MCRS1: variants seen among roughly 807,000 people sequenced by gnomAD.
MCRS1 encodes the protein microspherule protein 1, also known as 58 kDa microspherule protein.
MCRS1 carries 22 observed loss-of-function variants against 62.9 expected under a neutral mutation model. That is an observed-to-expected ratio of 0.35 (90% CI 0.25 to 0.50). MCRS1 has a LOEUF of 0.50. MCRS1 is among the 20% of genes least tolerant of loss of function. The probability of loss-of-function intolerance (pLI) is 0.98; values close to 1 mark genes in which losing one functional copy is unlikely to be tolerated. For synonymous variants in MCRS1, 244 were observed against 233.5 expected (o/e 1.04, Z -0.41); for missense variants, 456 against 601.1 (o/e 0.76, Z 2.52).
intron 9 of MCRS1, 63 bp downstream of exon 9, chr12:49,560,232 G>A (rs1236051030): frequency 1.3e-6 from 2 of 1,557,528 alleles, no homozygotes; most frequent in East Asian, 2.2e-5. Context: ...GCAGCCTGGG[G>A]CGCTCTACCT....
chr12:49,559,842 A>C lies in MCRS1; in HGVS notation c.911-21T>G, dbSNP rs770684781. 6.2e-7 allele frequency: 1 copy of C among 1,614,116 alleles called. No individual in the cohort carries two copies. The highest frequency in any genetic ancestry group is 1.1e-5 in the South Asian group (1 of 91,082). Reference sequence around the variant, plus strand: ...CAGCTCTGGGGTGAGGTGGGGTGGTAAGGAGGGATGCTCTGAGGCCACCAG... The same window carrying C: ...CAGCTCTGGGGTGAGGTGGGGTGGTCAGGAGGGATGCTCTGAGGCCACCAG... On this transcript the variant is annotated intron_variant, in intron 10 of 14. Coordinates refer to ENST00000343810, the MANE Select transcript of MCRS1 (RefSeq NM_006337.5). The surrounding 1 kb of genome is among the most constrained non-coding windows in gnomAD (Gnocchi z 5.2).
At position 49,566,394 on chromosome 12, in the gene MCRS1, G is replaced by T. The variant is rs776597033; in HGVS notation, c.11-179C>A. 4 of 1,575,868 alleles carry T rather than the reference G, an allele frequency of 2.5e-6. No individual in the cohort carries two copies. The South Asian group carries it at 3.5e-5, about 14-fold the overall frequency. ...CAGATCCCATCTGGGCTCAGACCTG[G>T]CCCAGACCTTCCACGCTGGGCAGTT... On this transcript the variant is annotated intron_variant, in intron 2 of 14. Transcript: ENST00000343810.
rs780177130 is a variant in MCRS1, at chr12:49,566,044, T to G, written c.149+33A>C. ...CTTAACGCCACAGACCTTCTACCCT[T>G]TCCCAGTTCCTGGCCCTCCGAACCC... On this transcript the variant is annotated intron_variant, in intron 3 of 14. Coordinates refer to ENST00000343810, the MANE Select transcript of MCRS1 (RefSeq NM_006337.5). 17 of 1,602,404 alleles carry G rather than the reference T, an allele frequency of 1.1e-5. No homozygotes were observed. In the East Asian group the frequency reaches 3.3e-4, roughly 32 times the overall value.
Position 49,559,098 on chromosome 12 carries a change from C to A in MCRS1, c.1174+116G>T. 6.5e-7 allele frequency: 1 copy of A among 1,533,128 alleles called. No individual in the cohort carries two copies. The highest frequency in any genetic ancestry group is 9.0e-7 in the Non-Finnish European group (1 of 1,116,396). 95.0% of individuals were successfully genotyped at this position (1,533,128 alleles called of 1,614,324 possible). On this transcript the variant is annotated intron_variant, in intron 13 of 14. Coordinates refer to ENST00000343810, the MANE Select transcript of MCRS1 (RefSeq NM_006337.5). This position sits in a 1 kb window ranked among gnomAD's most constrained non-coding sequence, Gnocchi z 5.2. The stretch of plus-strand genomic sequence containing the variant: ...CCTGCAGACACCAAGGAATCCCTGC[C>A]TCAGGTGGTCCACGAGGGTCCCCAT...
chr12:49,563,270 G>A, intron 7 of MCRS1, 131 bp from the exon 8 acceptor site: 1 of 1,441,350 alleles, frequency 6.9e-7, no homozygotes, highest in Non-Finnish European at 9.5e-7. Context: ...AAGAAGTCAG[G>A]CTTGGCTCTT....
Position 49,559,187 on chromosome 12 carries a change from C to T in MCRS1, c.1174+27G>A. Reference sequence around the variant, plus strand: ...TGGGAGGGACGACCTCACACTGCTTCCTGCTGGGGCAGGGGGTGGGGGATA... The same window carrying T: ...TGGGAGGGACGACCTCACACTGCTTTCTGCTGGGGCAGGGGGTGGGGGATA... On this transcript the variant is annotated intron_variant, in intron 13 of 14. Transcript: ENST00000343810. This position sits in a 1 kb window ranked among gnomAD's most constrained non-coding sequence, Gnocchi z 5.2. 1 of 1,608,930 alleles carries T rather than the reference C, an allele frequency of 6.2e-7. No individual in the cohort carries two copies. The highest frequency in any genetic ancestry group is 8.5e-7 in the Non-Finnish European group (1 of 1,176,118).
Position 49,564,905 on chromosome 12 carries a change from G to A in MCRS1, c.289-10C>T. 3.2e-6 allele frequency: 5 copies of A among 1,568,842 alleles called. No individual in the cohort carries two copies. Among genetic ancestry groups the A allele is most frequent in the Non-Finnish European group, 4.3e-6 (5 of 1,155,800 alleles). On this transcript the variant is annotated splice_polypyrimidine_tract_variant and intron_variant, in intron 4 of 14. Coordinates refer to ENST00000343810, the MANE Select transcript of MCRS1 (RefSeq NM_006337.5). ...TGGGGGCTTTGGATACCTGGGCAGAGGACAGGAACAAACCAAGCTCAAAGC... is the reference window on the plus strand; with the variant it reads ...TGGGGGCTTTGGATACCTGGGCAGAAGACAGGAACAAACCAAGCTCAAAGC...
Position 49,563,302 on chromosome 12 carries a change from G to A in MCRS1, c.666+136C>T, listed in dbSNP as rs1938872973. 3.4e-5 allele frequency: 47 copies of A among 1,364,546 alleles called. No individual in the cohort carries two copies. In the South Asian group the frequency reaches 5.3e-4, roughly 15 times the overall value. 84.5% of individuals were successfully genotyped at this position (1,364,546 alleles called of 1,614,324 possible). ...TCTTCCTGAGGCCCCTGTCACAAACGCCCCTGCCAATGTGCACACGTGTGC... is the reference window on the plus strand; with the variant it reads ...TCTTCCTGAGGCCCCTGTCACAAACACCCCTGCCAATGTGCACACGTGTGC... On this transcript the variant is annotated intron_variant, in intron 7 of 14. Coordinates refer to ENST00000343810, the MANE Select transcript of MCRS1 (RefSeq NM_006337.5).
Position 49,559,744 on chromosome 12 carries a change from C to G in MCRS1, c.988G>C (p.Val330Leu). 1 of 1,614,190 alleles carries G rather than the reference C, an allele frequency of 6.2e-7. No homozygotes were observed. The highest frequency in any genetic ancestry group is 8.5e-7 in the Non-Finnish European group (1 of 1,180,038). The change falls in exon 11 of 15, where the codon GTG becomes CTG. Residue 330 changes from valine (V) to leucine (L), a missense_variant. Transcript: ENST00000343810. This position sits in a 1 kb window ranked among gnomAD's most constrained non-coding sequence, Gnocchi z 5.2. ...EQELHKWQVL[V>L]DSITGMSSPD... ...GCCTCCTCACCTGTGATGCTGTCCA[C>G]TAGCACCTGCCACTTATGCAGTTCC...
Position 49,559,261 on chromosome 12 carries a change from A to G in MCRS1, c.1127T>C (p.Val376Ala). 1 of 1,614,164 alleles carries G rather than the reference A, an allele frequency of 6.2e-7. No individual in the cohort carries two copies. Among genetic ancestry groups the G allele is most frequent in the Non-Finnish European group, 8.5e-7 (1 of 1,180,022 alleles). ...GRATKDNQID[V>A]DLSLEGPAWK... ...GGCCGGACCCTCCAGAGACAGGTCC[A>G]CATCAATCTGGTTATCCTTGGTTGC... The change falls in exon 13 of 15, where the codon GTG becomes GCG. Residue 376 changes from valine (V) to alanine (A), a missense_variant. Val to Ala is a moderately conservative substitution (Grantham distance 64, BLOSUM62 0). Transcript: ENST00000343810. This position sits in a 1 kb window ranked among gnomAD's most constrained non-coding sequence, Gnocchi z 5.2.
intron 2 of MCRS1, 36 bp downstream of exon 2, chr12:49,566,686 C>G: frequency 5.0e-6 from 8 of 1,613,742 alleles, no homozygotes; most frequent in Non-Finnish European, 6.8e-6. Flanking sequence ...TGCTTGGCGC[C>G]CGAGCATTTG....
rs1344385349 is a variant in MCRS1, at chr12:49,559,138, G to A, written c.1174+76C>T. 1.0e-5 allele frequency: 16 copies of A among 1,553,354 alleles called. No individual in the cohort carries two copies. Among genetic ancestry groups the A allele is most frequent in the Non-Finnish European group, 1.2e-5 (14 of 1,132,408 alleles). ...AGGGTCCCCATGGACACCAAGCCCA[G>A]GGCTAGAAAGGACAGCGAGAGGCTG... On this transcript the variant is annotated intron_variant, in intron 13 of 14. Coordinates refer to ENST00000343810, the MANE Select transcript of MCRS1 (RefSeq NM_006337.5). The surrounding 1 kb of genome is among the most constrained non-coding windows in gnomAD (Gnocchi z 5.2).
chr12:49,562,144 T>TG (rs1938801216), intron 8 of MCRS1, among the ~76,000 whole-genome samples: 1 of 152,216 alleles, frequency 6.6e-6, no homozygotes, highest in African/African-American at 2.4e-5. Flanking sequence ...AAAATGCTCC[T>TG]GCAGGAATCC....
rs1332685338 is a variant in MCRS1, at chr12:49,559,194, G to A, written c.1174+20C>T. The A allele has an allele frequency of 6.2e-7, 1 of 1,609,630 alleles. No homozygotes were observed. The highest frequency in any genetic ancestry group is 1.3e-5 in the African/African-American group (1 of 74,968). On this transcript the variant is annotated intron_variant, in intron 13 of 14. Transcript: ENST00000343810. This position sits in a 1 kb window ranked among gnomAD's most constrained non-coding sequence, Gnocchi z 5.2. Reference sequence around the variant, plus strand: ...GACGACCTCACACTGCTTCCTGCTGGGGCAGGGGGTGGGGGATACCTTGTT... The same window carrying A: ...GACGACCTCACACTGCTTCCTGCTGAGGCAGGGGGTGGGGGATACCTTGTT...
chr12:49,562,898 GA>G, intron 8 of MCRS1, 102 bp downstream of exon 8: 2 of 1,395,828 alleles, frequency 1.4e-6, no homozygotes, highest in Non-Finnish European at 1.9e-6. Context: ...GATCACTGAG[GA>G]ATCTGTTACA....
At chr12:49,564,681 G>A in intron 5 of MCRS1, 56 bp downstream of exon 5, 1 of 1,602,802 alleles carries the variant, frequency 6.2e-7, no homozygotes, top group Non-Finnish European at 8.5e-7. Context: ...TAATTTTGGG[G>A]TGCGAACTGG....
intron 9 of MCRS1, 59 bp from the exon 10 acceptor site, chr12:49,560,026 C>T: frequency 6.2e-7 from 1 of 1,606,670 alleles, no homozygotes; most frequent in Non-Finnish European, 8.5e-7. Context: ...TGTTACTTGG[C>T]TCATTAGGGC....
At chr12:49,560,179 A>AG (rs912900103) in intron 9 of MCRS1, 116 bp downstream of exon 9, 155 of 1,260,234 alleles carry the variant, frequency 1.2e-4, no homozygotes, top group East Asian at 1.2e-4. Flanking sequence ...GGGCTCAGCC[A>AG]GGGGGGGCCA....
At chr12:49,560,542 T>C (rs1436899428) in intron 8 of MCRS1, among the ~76,000 whole-genome samples, 172 bp from the exon 9 acceptor site, 1 of 152,156 alleles carries the variant, frequency 6.6e-6, no homozygotes, top group Non-Finnish European at 1.5e-5. Flanking sequence ...AAAGCATCTT[T>C]AGGCTTAGTT....
Sources: allele counts gnomAD v4.1 joint callset (sites outside exome capture counted in the v4.1 genomes callset), GRCh38; gene constraint gnomAD v4.1.1; non-coding constraint Gnocchi (gnomAD v3.1); transcripts MANE v1.5; gene names NCBI Gene and HGNC (gene_info 2026-07-23, HGNC 2026-07-21).